Variants in SORBS2 observed in about 807,000 individuals in gnomAD.
SORBS2 encodes the protein sorbin and SH3 domain containing 2, also known as sorbin and SH3 domain-containing protein 2.
Under a neutral mutation model 97.7 loss-of-function variants are expected in SORBS2, and 46 were observed. The ratio of observed to expected loss-of-function variants is 0.47; its 90% CI spans 0.37 to 0.60. SORBS2 has a LOEUF of 0.60. SORBS2 is among the 20% of genes least tolerant of loss of function. SORBS2 has a pLI of 0.00. For synonymous variants in SORBS2, 476 were observed against 473.4 expected, an observed-to-expected ratio of 1.01 and a Z score of -0.07; for missense variants, 1,316 against 1,282.3, an observed-to-expected ratio of 1.03 and a Z score of -0.40.
intron 2 of SORBS2, among the ~76,000 whole-genome samples, chr4:185,736,371 T>C (rs983706939): frequency 2.6e-5 from 4 of 152,222 alleles, no homozygotes; most frequent in South Asian, 2.1e-4. Flanking sequence ...TTAAAAGTCT[T>C]GCCTGGTCTG....
chr4:185,695,677 C>G (rs1019191430), intron 2 of SORBS2, among the ~76,000 whole-genome samples: 5 of 152,160 alleles, frequency 3.3e-5, no homozygotes, highest in Admixed American at 3.3e-4. Flanking sequence ...GCATCTCTCT[C>G]TATCTCTGAC....
chr4:185,812,238 C>T (rs1055349089), intron 1 of SORBS2, 44 bp from the exon 1 acceptor site: 2 of 152,276 alleles, frequency 1.3e-5, no homozygotes, highest in African/African-American at 4.8e-5. Flanking sequence ...CCTCTCAGCT[C>T]TGCTGCAGAC....
intron 1 of SORBS2, among the ~76,000 whole-genome samples, chr4:185,871,399 C>T (rs2099230350): frequency 6.6e-6 from 1 of 152,220 alleles, no homozygotes; most frequent in Admixed American, 6.5e-5. Context: ...TAGGTAACTA[C>T]AAGTGCTATG....
intron 12 of SORBS2, among the ~76,000 whole-genome samples, chr4:185,602,240 C>G (rs182701958): frequency 0.013 from 1,955 of 152,252 alleles, 28 homozygotes; most frequent in Middle Eastern, 0.024. Flanking sequence ...GAACTCCTGA[C>G]CTTGTGATCC....
chr4:185,862,165 A>AAG (rs776141099), intron 1 of SORBS2, among the ~76,000 whole-genome samples: 16 of 152,122 alleles, frequency 1.1e-4, no homozygotes, highest in Non-Finnish European at 2.4e-4. Context: ...GCAAGTGCAA[A>AAG]AGAGAGAGAG....
In SORBS2 at chr4:185,745,058, G is replaced by C. The variant is rs775419848; in HGVS notation, c.-198+30169C>G. 2.6e-4 allele frequency among the ~76,000 whole-genome samples: 40 copies of C among 152,224 alleles called. 1 individual carries two copies. Among genetic ancestry groups the C allele is most frequent in the South Asian group, 1.0e-3 (5 of 4,832 alleles). On this transcript the variant is annotated intron_variant, in intron 2 of 20. Transcript: ENST00000284776. ...ACACTTGTGGGCCGGCTCAGGGATG[G>C]ACAGTACCTGGCCGCTCTCCCTGTG...
chr4:185,809,434 C>T (rs2099169782), intron 1 of SORBS2, among the ~76,000 whole-genome samples: 1 of 106,528 alleles, frequency 9.4e-6, no homozygotes, highest in South Asian at 3.0e-4. Context: ...GGAAATGACT[C>T]TTCAGGGGGC....
intron 8 of SORBS2, 68 bp from the exon 21 acceptor site, chr4:185,618,699 G>A (rs538147082): frequency 4.0e-6 from 4 of 993,684 alleles, no homozygotes; most frequent in East Asian, 4.9e-5. Flanking sequence ...GTAGTTTAAT[G>A]TGCCTTAAAG....
intron 14 of SORBS2, among the ~76,000 whole-genome samples, chr4:185,588,755 C>T (rs2095851683): frequency 1.3e-5 from 2 of 152,214 alleles, no homozygotes; most frequent in South Asian, 4.2e-4. Flanking sequence ...GCTGGGATTA[C>T]AGGCACCTGC....
At chr4:185,880,219 G>A (rs141752484) in intron 1 of SORBS2, among the ~76,000 whole-genome samples, 34 of 152,220 alleles carry the variant, frequency 2.2e-4, no homozygotes, top group African/African-American at 7.5e-4. Flanking sequence ...AGGAAGAGAC[G>A]GCCTTTATAT....
chr4:185,589,732 C>T (rs776892418), exon 14 of SORBS2: 1 of 1,613,516 alleles, frequency 6.2e-7, no homozygotes, highest in Admixed American at 1.7e-5. Context: ...ATCACTTTCT[C>T]TGAGCTCCAG....
intron 1 of SORBS2, among the ~76,000 whole-genome samples, chr4:185,899,372 T>C (rs2099246466): frequency 6.6e-6 from 1 of 152,206 alleles, no homozygotes; most frequent in South Asian, 2.1e-4. Context: ...ATATTTTTTA[T>C]TTTAGAGTGT....
At chr4:185,864,729 G>T (rs1409276273) in intron 1 of SORBS2, among the ~76,000 whole-genome samples, 2 of 152,032 alleles carry the variant, frequency 1.3e-5, no homozygotes, top group Non-Finnish European at 2.9e-5. Flanking sequence ...TGGCCAACAT[G>T]GTGAAACCCT....
chr4:185,710,774 C>T (rs1225666559), intron 2 of SORBS2, among the ~76,000 whole-genome samples: 2 of 152,130 alleles, frequency 1.3e-5, no homozygotes, highest in African/African-American at 2.4e-5. Context: ...CAGCCTGTTG[C>T]TCATGCAGCG....
intron 1 of SORBS2, among the ~76,000 whole-genome samples, chr4:185,877,524 G>A (rs11132358): frequency 0.28 from 42,170 of 151,790 alleles, 6,082 homozygotes; most frequent in East Asian, 0.54. Context: ...GAAAAAAGTT[G>A]GATAATCATA....
At position 185,750,235 on chromosome 4, in the gene SORBS2, G is replaced by A. The variant is rs141149993; in HGVS notation, c.-198+24992C>T. Among the ~76,000 whole-genome samples the A allele has an allele frequency of 7.7e-4, 118 of 152,322 alleles. 1 individual carries two copies. The highest frequency in any genetic ancestry group is 3.7e-4 in the Non-Finnish European group (25 of 68,024). On this transcript the variant is annotated intron_variant, in intron 2 of 20. Transcript: ENST00000284776. ...CAAAAAGAAAAGGATGGCAAAGCATGATTTTTTAAGTGTTCACTGTGTATA... is the reference window on the plus strand; with the variant it reads ...CAAAAAGAAAAGGATGGCAAAGCATAATTTTTTAAGTGTTCACTGTGTATA...
At chr4:185,902,178 TTGTGATATCAC>T (rs1305785097) in intron 1 of SORBS2, among the ~76,000 whole-genome samples, 1 of 152,222 alleles carries the variant, frequency 6.6e-6, no homozygotes, top group Non-Finnish European at 1.5e-5. Flanking sequence ...AAAATGTTTC[TTGTGATATCAC>T]TGCTGAAGAA....
At chr4:185,768,786 G>A (rs187687830) in intron 2 of SORBS2, among the ~76,000 whole-genome samples, 2 of 151,994 alleles carry the variant, frequency 1.3e-5, no homozygotes. Context: ...AGGGGAGTAT[G>A]CAAGGGCGAC....
At chr4:185,768,721 A>AAC (rs1301803504) in intron 2 of SORBS2, among the ~76,000 whole-genome samples, 3 of 89,252 alleles carry the variant, frequency 3.4e-5, no homozygotes, top group Admixed American at 9.8e-5. Context: ...ACAAAAAAAC[A>AAC]AAAAAAAATG....
Sources: allele counts gnomAD v4.1 joint callset (sites outside exome capture counted in the v4.1 genomes callset), GRCh38; gene constraint gnomAD v4.1.1; transcripts MANE v1.5; gene names NCBI Gene and HGNC (gene_info 2026-07-23, HGNC 2026-07-21).